KDM6A: variants seen among roughly 807,000 people sequenced by gnomAD.
KDM6A encodes the protein lysine-specific demethylase 6A.
KDM6A carries 11 observed loss-of-function variants against 117.6 expected under a neutral mutation model. That is an observed-to-expected ratio of 0.09 (90% CI 0.06 to 0.15). The LOEUF is 0.15. Ranked by LOEUF, KDM6A falls within the 10% of genes least tolerant of loss-of-function variation. The probability of loss-of-function intolerance (pLI) is 1.00; values close to 1 mark genes in which losing one functional copy is unlikely to be tolerated. For synonymous variants in KDM6A, 384 were observed against 396.1 expected (o/e 0.97, Z 0.36); for missense variants, 799 against 1,077.3 (o/e 0.74, Z 3.62).
chrX:45,010,926 A>AT, intron 4 of KDM6A, 35 bp from the exon 5 acceptor site: 1 of 1,067,454 alleles, frequency 9.4e-7, no homozygotes, highest in African/African-American at 1.8e-5. Flanking sequence ...AGATACAAGT[A>AT]TTTTTCCTAA....
chrX:45,000,127 C>T (rs2041064287), intron 4 of KDM6A, among the ~76,000 whole-genome samples: 1 of 111,942 alleles, frequency 8.9e-6, no homozygotes, highest in Non-Finnish European at 1.9e-5. Context: ...CTAAGGCTAT[C>T]CTGTTTTCCC....
intron 27 of KDM6A, among the ~76,000 whole-genome samples, chrX:45,103,046 CTG>C (rs2046390257): frequency 9.0e-6 from 1 of 111,131 alleles, no homozygotes; most frequent in Admixed American, 9.6e-5. Flanking sequence ...GTGGCTGAGA[CTG>C]TTACCATAAA....
chrX:45,084,219 T>C (rs1408718786), intron 24 of KDM6A, among the ~76,000 whole-genome samples: 2 of 112,279 alleles, frequency 1.8e-5, no homozygotes, highest in African/African-American at 6.5e-5. Flanking sequence ...TTTAGGTCTT[T>C]TTCTTCATTT....
At chrX:45,079,773 T>A (rs1279404580) in intron 21 of KDM6A, among the ~76,000 whole-genome samples, 1 of 112,202 alleles carries the variant, frequency 8.9e-6, no homozygotes, top group Non-Finnish European at 1.9e-5. Context: ...CTCGAACTCC[T>A]GACCTCAAGT....
intron 6 of KDM6A, among the ~76,000 whole-genome samples, chrX:45,033,011 T>C (rs2042663925): frequency 8.9e-6 from 1 of 112,239 alleles, no homozygotes; most frequent in South Asian, 3.6e-4. Flanking sequence ...TTCAGTGAAA[T>C]AGTAAAACTA....
At chrX:44,923,069 C>T (rs749064626) in intron 2 of KDM6A, among the ~76,000 whole-genome samples, 25 of 111,613 alleles carry the variant, frequency 2.2e-4, no homozygotes, top group Non-Finnish European at 4.0e-4. Flanking sequence ...CTACTGTTTT[C>T]TCCTTTGCAT....
intron 4 of KDM6A, among the ~76,000 whole-genome samples, chrX:44,991,660 G>A (rs1284168388): frequency 8.9e-6 from 1 of 111,747 alleles, no homozygotes; most frequent in Non-Finnish European, 1.9e-5. Flanking sequence ...ACCAACAACT[G>A]TTTGCTTAGT....
chrX:44,887,451 G>A lies in KDM6A; in HGVS notation c.225+13464G>A, dbSNP rs189575700. Among the ~76,000 whole-genome samples, 382 of 111,397 alleles carry A rather than the reference G, an allele frequency of 3.4e-3. 3 individuals carry two copies. The highest frequency in any genetic ancestry group is 0.012 in the African/African-American group (364 of 30,698). On this transcript the variant is annotated intron_variant, in intron 2 of 29. Transcript: ENST00000611820. ...ATTCTTGGGTAGAGGTGTAAATGAT[G>A]TGAGTATGTCAGGGAGAAAGAAAAG...
chrX:44,950,290 T>C (rs1251324726), intron 2 of KDM6A, among the ~76,000 whole-genome samples: 1 of 111,545 alleles, frequency 9.0e-6, no homozygotes, highest in Non-Finnish European at 1.9e-5. Context: ...CTGGGATTAC[T>C]TTACAGGCGT....
intron 8 of KDM6A, among the ~76,000 whole-genome samples, chrX:45,039,952 T>C (rs1348591508): frequency 1.6e-5 from 1 of 61,325 alleles, no homozygotes; most frequent in Non-Finnish European, 3.0e-5. Flanking sequence ...CTCAATTTTT[T>C]CCCCACCCTT....
chrX:44,890,969 C>T (rs1298884830), intron 2 of KDM6A, among the ~76,000 whole-genome samples: 1 of 110,477 alleles, frequency 9.1e-6, no homozygotes, highest in Non-Finnish European at 1.9e-5. Context: ...TTCTTATTTT[C>T]CATCTGTATA....
chrX:44,881,757 G>C (rs1485804582), intron 2 of KDM6A, among the ~76,000 whole-genome samples: 1 of 105,332 alleles, frequency 9.5e-6, no homozygotes, highest in Non-Finnish European at 1.9e-5. Flanking sequence ...TCGCAATCTC[G>C]ACTCACTGCA....
intron 7 of KDM6A, among the ~76,000 whole-genome samples, chrX:45,036,347 T>C (rs1411219309): frequency 8.9e-6 from 1 of 112,074 alleles, no homozygotes; most frequent in African/African-American, 3.2e-5. Context: ...TGTAGAATTT[T>C]CAGTATAACG....
At chrX:45,040,609 T>C (rs866952512) in intron 8 of KDM6A, among the ~76,000 whole-genome samples, 16 of 76,753 alleles carry the variant, frequency 2.1e-4, no homozygotes, top group African/African-American at 5.3e-4. Flanking sequence ...ACGGGGCGGC[T>C]GGCCAGGCGG....
chrX:44,944,590 T>C lies in KDM6A; in HGVS notation c.226-16694T>C, dbSNP rs759682688. Among the ~76,000 whole-genome samples, 49 of 111,720 alleles carry C rather than the reference T, an allele frequency of 4.4e-4. 1 individual carries two copies. In the South Asian group the frequency reaches 0.018, roughly 41 times the overall value. ...GCGCTTATTTAGGACTATTTAGGACTTCTTTGACTCTTTTCACCAGGGTTT... is the reference window on the plus strand; with the variant it reads ...GCGCTTATTTAGGACTATTTAGGACCTCTTTGACTCTTTTCACCAGGGTTT... On this transcript the variant is annotated intron_variant, in intron 2 of 29. Transcript: ENST00000611820.
chrX:44,952,044 T>G (rs1355791573), intron 2 of KDM6A, among the ~76,000 whole-genome samples: 2 of 112,309 alleles, frequency 1.8e-5, no homozygotes, highest in East Asian at 5.6e-4. Context: ...GTTGTCTAGT[T>G]TGATTTCAAT....
chrX:45,077,630 T>C (rs1463304675), intron 19 of KDM6A, among the ~76,000 whole-genome samples: 1 of 110,662 alleles, frequency 9.0e-6, no homozygotes, highest in Admixed American at 9.6e-5. Context: ...GGGATAGACA[T>C]GTAAAAAAAC....
chrX:44,936,920 G>C (rs2037000712), intron 2 of KDM6A, among the ~76,000 whole-genome samples: 1 of 111,550 alleles, frequency 9.0e-6, no homozygotes, highest in Non-Finnish European at 1.9e-5. Flanking sequence ...TAATACAACT[G>C]ACATACAACC....
At chrX:45,101,123 G>A (rs948657317) in intron 27 of KDM6A, among the ~76,000 whole-genome samples, 1 of 111,365 alleles carries the variant, frequency 9.0e-6, no homozygotes, top group Admixed American at 9.6e-5. Flanking sequence ...AAGTCTTAGA[G>A]TCTATGCTAT....
Sources: gnomAD v4.1 joint callset for allele counts (sites outside exome capture counted in the v4.1 genomes callset) on GRCh38, gnomAD v4.1.1 for gene constraint, MANE v1.5 for transcripts, NCBI Gene and HGNC (gene_info 2026-07-23, HGNC 2026-07-21) for gene names.